Variants in LIMA1 observed in about 807,000 individuals in gnomAD.
LIMA1 encodes LIM domain and actin binding 1, also known as LIM domain and actin-binding protein 1.
In LIMA1, 52 loss-of-function variants were observed where a neutral mutation model predicts 62.6. The ratio of observed to expected loss-of-function variants is 0.83; its 90% CI spans 0.67 to 1.05. LIMA1 has a LOEUF of 1.05. LIMA1 is among the 50% of genes least tolerant of loss of function. The pLI, the probability that LIMA1 is intolerant of heterozygous loss-of-function variation, is 0.00. For missense variants in LIMA1, 780 were observed against 902.2 expected (o/e 0.86, Z 1.74); for synonymous variants, 302 against 317.8 (o/e 0.95, Z 0.53).
At chr12:50,271,135 G>A (rs1231596405) in intron 1 of LIMA1, among the ~76,000 whole-genome samples, 1 of 151,708 alleles carries the variant, frequency 6.6e-6, no homozygotes, top group Admixed American at 6.6e-5. Context: ...GCCAGGTGCT[G>A]TGGCTTACGC....
chr12:50,196,509 T>A (rs945750457), intron 7 of LIMA1, among the ~76,000 whole-genome samples: 2 of 152,148 alleles, frequency 1.3e-5, no homozygotes, highest in African/African-American at 4.8e-5. Flanking sequence ...GGTGTATATA[T>A]CATTTTCTCA....
intron 5 of LIMA1, among the ~76,000 whole-genome samples, chr12:50,205,560 T>C (rs535193687): frequency 5.3e-4 from 81 of 152,166 alleles, no homozygotes; most frequent in African/African-American, 1.8e-3. Context: ...TTATCACTGG[T>C]AATACAGGGT....
chr12:50,222,831 A>C (rs963996625), intron 3 of LIMA1: 1 of 477,006 alleles, frequency 2.1e-6, no homozygotes, highest in Non-Finnish European at 3.1e-6. Flanking sequence ...CAAGAAAGAA[A>C]AAGCAAAATA....
rs1485375280 is a variant in LIMA1, at chr12:50,204,644, C to G, written c.772G>C (p.Glu258Gln). The G allele has an allele frequency of 6.2e-7, 1 of 1,614,138 alleles. No homozygotes were observed. The highest frequency in any genetic ancestry group is 8.5e-7 in the Non-Finnish European group (1 of 1,180,010). ...GAGGTTTCTGAGAGGCGTGGAAGTT[C>G]CAGATTTCGTCTACTCTCATTTTTC... is the stretch of plus-strand genomic sequence containing the variant. ...SEKNESRRNL[E>Q]LPRLSETSIK... is the part of the protein sequence containing the mutation. Residue 258 changes from glutamate (E) to glutamine (Q), a missense_variant, in exon 6 of 11, where the codon GAA becomes CAA. Glu to Gln is a conservative substitution (Grantham distance 29, BLOSUM62 2). Transcript: ENST00000341247.
At chr12:50,260,977 T>A (rs1442551713) in intron 1 of LIMA1, among the ~76,000 whole-genome samples, 2 of 143,820 alleles carry the variant, frequency 1.4e-5, no homozygotes, top group African/African-American at 5.1e-5. Flanking sequence ...TATTTACTTA[T>A]CAGTAAATGC....
In LIMA1 at chr12:50,177,722, G is replaced by C. The variant is rs1413991532; in HGVS notation, c.1622C>G (p.Ser541Ter). The C allele has an allele frequency of 6.2e-7, 1 of 1,613,432 alleles. No homozygotes were observed. The highest frequency in any genetic ancestry group is 1.7e-5 in the Admixed American group (1 of 59,840). ...GATCCCTTCCTCCAAGGCACTTCCT[G>C]AACTTCCAAGTTCAGTGGGGGGTGG... ...AWPPPTELGS[S>*]GSALEEGIKM... The change falls in exon 11 of 11, where the codon TCA (serine) becomes TGA (stop). Residue 541 changes from serine (S) to a stop codon, truncating the protein, a stop_gained. Transcript: ENST00000341247. LOFTEE classifies it low-confidence loss of function (END_TRUNC).
chr12:50,261,748 C>A (rs570929251), intron 1 of LIMA1, among the ~76,000 whole-genome samples: 52 of 152,190 alleles, frequency 3.4e-4, no homozygotes, highest in African/African-American at 1.3e-3. Context: ...ATTATTGCAG[C>A]CTCGAACTCC....
chr12:50,275,486 T>C (rs1176058458), intron 1 of LIMA1, among the ~76,000 whole-genome samples: 1 of 152,174 alleles, frequency 6.6e-6, no homozygotes, highest in Admixed American at 6.5e-5. Context: ...AGCAATAATT[T>C]ATAAATAGTG....
chr12:50,192,329 T>G (rs941925896), intron 9 of LIMA1, 123 bp downstream of exon 9: 10 of 745,412 alleles, frequency 1.3e-5, no homozygotes, highest in African/African-American at 6.8e-5. Context: ...TGTGCTCTTC[T>G]GTGGCATTAT....
At chr12:50,279,524 T>C (rs1942313752) in intron 1 of LIMA1, among the ~76,000 whole-genome samples, 1 of 151,966 alleles carries the variant, frequency 6.6e-6, no homozygotes, top group South Asian at 2.1e-4. Context: ...AGGGAGAAAG[T>C]ATAGTGAGAA....
chr12:50,261,042 A>ATATATTTTT lies in LIMA1; in HGVS notation c.-23-12269_-23-12268insAAAAATATA, dbSNP rs1383547189. Among the ~76,000 whole-genome samples, 229 of 54,296 alleles carry ATATATTTTT rather than the reference A, an allele frequency of 4.2e-3. 5 individuals carry two copies. Among genetic ancestry groups the ATATATTTTT allele is most frequent in the Non-Finnish European group, 6.4e-3 (199 of 31,316 alleles). 35.6% of individuals were successfully genotyped at this position (54,296 alleles called of 152,430 possible). On this transcript the variant is annotated intron_variant, in intron 1 of 10. Transcript: ENST00000341247. ...CTTTTGCTTTTCTGCCATCTAGTAT[A>ATATATTTTT]TTTTTTTTTTTTTTTTTTTTTTTTT... is the stretch of plus-strand genomic sequence containing the variant.
At chr12:50,200,232 A>G (rs1267777812) in intron 7 of LIMA1, among the ~76,000 whole-genome samples, 1 of 148,156 alleles carries the variant, frequency 6.7e-6, no homozygotes, top group Non-Finnish European at 1.5e-5. Context: ...TTTTTGAGAC[A>G]GAGTCTTGCT....
intron 5 of LIMA1, 151 bp downstream of exon 5, chr12:50,205,833 A>C: frequency 2.4e-6 from 1 of 416,412 alleles, no homozygotes; most frequent in Non-Finnish European, 4.3e-6. Flanking sequence ...ATCGAGAGCA[A>C]TGAGATTTGA....
At chr12:50,261,042 A>ATATATTTTTTTTTTTTTTTTT (rs1383547189) in intron 1 of LIMA1, among the ~76,000 whole-genome samples, 1 of 54,292 alleles carries the variant, frequency 1.8e-5, no homozygotes, top group African/African-American at 7.2e-5. Flanking sequence ...CATCTAGTAT[A>ATATATTTTTTTTTTTTTTTTT]TTTTTTTTTT....
intron 3 of LIMA1, among the ~76,000 whole-genome samples, chr12:50,226,185 C>A (rs138226502): frequency 3.2e-4 from 48 of 152,000 alleles, no homozygotes; most frequent in African/African-American, 9.9e-4. Context: ...TATCTGGGAC[C>A]GCAGGCCCAT....
intron 4 of LIMA1, 138 bp downstream of exon 4, chr12:50,221,883 A>C: frequency 1.5e-6 from 1 of 677,826 alleles, no homozygotes; most frequent in Non-Finnish European, 2.5e-6. Context: ...TGCATTTGAG[A>C]CTATTAACTT....
At chr12:50,263,883 TATATATATATATAAA>T (rs1942107391) in intron 1 of LIMA1, among the ~76,000 whole-genome samples, 5 of 107,924 alleles carry the variant, frequency 4.6e-5, no homozygotes, top group East Asian at 3.6e-4. Flanking sequence ...ATATAAAGTA[TATATATATATATAAA>T]GTATGTATAT....
intron 1 of LIMA1, among the ~76,000 whole-genome samples, chr12:50,260,390 C>A (rs1460017676): frequency 1.3e-5 from 2 of 152,138 alleles, no homozygotes; most frequent in Non-Finnish European, 2.9e-5. Flanking sequence ...CTCTAGTGAG[C>A]CACCCGCCTC....
intron 8 of LIMA1, 67 bp from the exon 9 acceptor site, chr12:50,192,628 G>A (rs780901187): frequency 1.8e-5 from 22 of 1,209,676 alleles, no homozygotes; most frequent in African/African-American, 6.0e-5. Flanking sequence ...GTGTTCTTCC[G>A]AAAAGCAAAG....
Sources: allele counts gnomAD v4.1 joint callset (sites outside exome capture counted in the v4.1 genomes callset), GRCh38; gene constraint gnomAD v4.1.1; transcripts MANE v1.5; gene names NCBI Gene and HGNC (gene_info 2026-07-23, HGNC 2026-07-21).